RAB3C: variants seen among roughly 807,000 people sequenced by gnomAD.
RAB3C encodes ras-related protein Rab-3C.
Under a neutral mutation model 26.4 loss-of-function variants are expected in RAB3C, and 17 were observed. The ratio of observed to expected loss-of-function variants is 0.64; its 90% CI spans 0.44 to 0.97. The LOEUF is 0.97. RAB3C is among the 50% of genes least tolerant of loss of function. The pLI, the probability that RAB3C is intolerant of heterozygous loss-of-function variation, is 0.00. For missense variants in RAB3C, 242 were observed against 281.9 expected, an observed-to-expected ratio of 0.86 and a Z score of 1.01; for synonymous variants, 91 against 95.9, an observed-to-expected ratio of 0.95 and a Z score of 0.30.
chr5:58,683,371 G>A (rs1019275211), intron 2 of RAB3C, among the ~76,000 whole-genome samples: 4 of 125,016 alleles, frequency 3.2e-5, no homozygotes, highest in Non-Finnish European at 3.4e-5. Flanking sequence ...TAAAAATAAA[G>A]TTATCTTTTT....
chr5:58,716,718 C>G (rs902150272), intron 2 of RAB3C, among the ~76,000 whole-genome samples: 1 of 150,742 alleles, frequency 6.6e-6, no homozygotes, highest in Admixed American at 6.6e-5. Flanking sequence ...TGTTTTTGAT[C>G]GTGCTCTGCC....
chr5:58,723,807 A>T (rs1268020166), intron 2 of RAB3C, among the ~76,000 whole-genome samples: 1 of 151,850 alleles, frequency 6.6e-6, no homozygotes, highest in East Asian at 1.9e-4. Context: ...CATCTCTGGG[A>T]TAAGAGAGTC....
intron 2 of RAB3C, among the ~76,000 whole-genome samples, chr5:58,631,934 A>G (rs1295289763): frequency 1.3e-5 from 2 of 152,214 alleles, no homozygotes; most frequent in Non-Finnish European, 2.9e-5. Flanking sequence ...AGTTCTGTAC[A>G]TGTGGTTTTG....
intron 3 of RAB3C, among the ~76,000 whole-genome samples, chr5:58,805,436 T>C (rs1024895012): frequency 2.6e-5 from 4 of 151,720 alleles, no homozygotes; most frequent in South Asian, 4.2e-4. Context: ...AATACAAAAA[T>C]TAGCCAGGTG....
chr5:58,796,282 A>G (rs1234338126), intron 3 of RAB3C, among the ~76,000 whole-genome samples: 1 of 152,184 alleles, frequency 6.6e-6, no homozygotes, highest in African/African-American at 2.4e-5. Context: ...TTACAGAAAC[A>G]CGGTATGTAG....
intron 3 of RAB3C, among the ~76,000 whole-genome samples, chr5:58,761,395 A>C (rs900305796): frequency 6.6e-6 from 1 of 152,230 alleles, no homozygotes; most frequent in Non-Finnish European, 1.5e-5. Flanking sequence ...AGCATTTGCT[A>C]TCCCACAAAT....
At chr5:58,761,532 A>G (rs543349851) in intron 3 of RAB3C, among the ~76,000 whole-genome samples, 8 of 152,286 alleles carry the variant, frequency 5.3e-5, no homozygotes, top group South Asian at 2.1e-4. Flanking sequence ...AAGGTAACCA[A>G]TCATATCTCT....
intron 2 of RAB3C, among the ~76,000 whole-genome samples, chr5:58,667,473 G>C (rs1322958339): frequency 2.0e-5 from 3 of 152,102 alleles, no homozygotes; most frequent in Non-Finnish European, 4.4e-5. Context: ...TGAAAAGATG[G>C]AGGGAGCCTG....
chr5:58,822,540 T>G (rs1031800817), intron 3 of RAB3C: 1 of 202,318 alleles, frequency 4.9e-6, no homozygotes, highest in Admixed American at 4.7e-5. Flanking sequence ...GAGGCCTATT[T>G]AAGAGATACC....
intron 2 of RAB3C, among the ~76,000 whole-genome samples, chr5:58,665,235 A>G (rs1747980007): frequency 2.0e-5 from 3 of 152,196 alleles, no homozygotes; most frequent in African/African-American, 7.2e-5. Flanking sequence ...AAATCATTAT[A>G]TATTGTTTAA....
rs117708272 is a variant in RAB3C at position 58,657,506 on chromosome 5, G to C, written c.252+39636G>C. On this transcript the variant is annotated intron_variant, in intron 2 of 4. Transcript: ENST00000282878. The stretch of plus-strand genomic sequence containing the variant: ...ATTGGAAGAACAACATTTGAACTTA[G>C]AGAGCAGCAGTACAATAGCTCTTAG... Among the ~76,000 whole-genome samples the C allele has an allele frequency of 7.9e-4, 121 of 152,288 alleles. 1 individual carries two copies. In the East Asian group the frequency reaches 0.012, roughly 16 times the overall value.
intron 3 of RAB3C, among the ~76,000 whole-genome samples, chr5:58,765,413 T>A (rs1294772824): frequency 6.6e-6 from 1 of 152,240 alleles, no homozygotes; most frequent in Non-Finnish European, 1.5e-5. Context: ...TATTTAATTC[T>A]GTTGCCTATT....
chr5:58,750,815 C>A (rs1440327153), intron 3 of RAB3C, among the ~76,000 whole-genome samples: 1 of 151,910 alleles, frequency 6.6e-6, no homozygotes, highest in Non-Finnish European at 1.5e-5. Flanking sequence ...TCCTTCCTTC[C>A]TTGCTTCCTT....
rs893279940 is a variant in RAB3C at position 58,856,419 on chromosome 5, T to C, written c.*5068T>C. Reference sequence around the variant, plus strand: ...GCAGTTCTCTTTTACTTTCTGACTTTCTTTTAAATTACTGCAGTTTTTCAA... The same window carrying C: ...GCAGTTCTCTTTTACTTTCTGACTTCCTTTTAAATTACTGCAGTTTTTCAA... On this transcript the variant is annotated 3_prime_UTR_variant, in exon 5 of 5. Transcript: ENST00000282878. 1 of 152,150 alleles carries C rather than the reference T, an allele frequency of 6.6e-6. No individual in the cohort carries two copies. The highest frequency in any genetic ancestry group is 1.5e-5 in the Non-Finnish European group (1 of 68,032). 9.4% of individuals were successfully genotyped at this position (152,150 alleles called of 1,614,324 possible). A position where few individuals can be genotyped will look rare whatever the true frequency, so the allele number is the denominator to read the frequency against.
chr5:58,803,160 A>G (rs1742848608), intron 3 of RAB3C, among the ~76,000 whole-genome samples: 1 of 152,338 alleles, frequency 6.6e-6, no homozygotes, highest in East Asian at 1.9e-4. Flanking sequence ...CTAGTTTGGA[A>G]GAGACAAATA....
chr5:58,596,461 C>T (rs1307950945), intron 1 of RAB3C, among the ~76,000 whole-genome samples: 2 of 142,816 alleles, frequency 1.4e-5, no homozygotes, highest in East Asian at 4.0e-4. Flanking sequence ...GTGATCGCCA[C>T]ATATGCAAGA....
chr5:58,605,569 G>A (rs1034417121), intron 1 of RAB3C, among the ~76,000 whole-genome samples: 1 of 152,138 alleles, frequency 6.6e-6, no homozygotes, highest in African/African-American at 2.4e-5. Context: ...ACTTAACGGA[G>A]CAGAAACTTC....
At chr5:58,615,526 A>G (rs2111717905) in intron 1 of RAB3C, among the ~76,000 whole-genome samples, 1 of 152,286 alleles carries the variant, frequency 6.6e-6, no homozygotes, top group East Asian at 1.9e-4. Flanking sequence ...AGAAATCATC[A>G]TGGCAAAAGA....
intron 3 of RAB3C, among the ~76,000 whole-genome samples, chr5:58,739,506 T>C (rs546231811): frequency 5.9e-5 from 9 of 152,158 alleles, no homozygotes; most frequent in Non-Finnish European, 1.0e-4. Flanking sequence ...TATGTACCCC[T>C]TCTTAAAAAC....
Sources: gnomAD v4.1 joint callset for allele counts (sites outside exome capture counted in the v4.1 genomes callset) on GRCh38, gnomAD v4.1.1 for gene constraint, MANE v1.5 for transcripts, NCBI Gene and HGNC (gene_info 2026-07-23, HGNC 2026-07-21) for gene names.